Variants in GRM3 observed in about 807,000 individuals in gnomAD.
GRM3 encodes metabotropic glutamate receptor 3.
Under a neutral mutation model 70.5 loss-of-function variants are expected in GRM3, and 26 were observed. That is an observed-to-expected ratio of 0.37 (90% confidence interval 0.27 to 0.51). GRM3 has a LOEUF of 0.51. Among genes scored for constraint, GRM3 ranks in the 20% least tolerant of loss-of-function variants. GRM3 has a pLI of 0.93. For missense variants in GRM3, 859 were observed against 1,123.8 expected, an observed-to-expected ratio of 0.76 and a Z score of 3.37; for synonymous variants, 443 against 434.9, an observed-to-expected ratio of 1.02 and a Z score of -0.23.
chr7:86,672,131 C>G (rs1794187331), intron 1 of GRM3, among the ~76,000 whole-genome samples: 1 of 152,122 alleles, frequency 6.6e-6, no homozygotes, highest in Admixed American at 6.5e-5. Flanking sequence ...AAAGTCTACT[C>G]CATTCTAAAG....
chr7:86,656,023 C>T (rs542723023), intron 1 of GRM3, among the ~76,000 whole-genome samples: 2 of 152,222 alleles, frequency 1.3e-5, no homozygotes, highest in African/African-American at 4.8e-5. Context: ...ATTTCCCTTC[C>T]AGGCCTTTCA....
intron 2 of GRM3, among the ~76,000 whole-genome samples, chr7:86,782,918 C>G (rs555905809): frequency 6.6e-6 from 1 of 152,282 alleles, no homozygotes; most frequent in South Asian, 2.1e-4. Flanking sequence ...TTCCTCCACT[C>G]TATCTAATAA....
chr7:86,829,315 T>C (rs1798303967), intron 3 of GRM3, among the ~76,000 whole-genome samples: 1 of 152,206 alleles, frequency 6.6e-6, no homozygotes, highest in African/African-American at 2.4e-5. Flanking sequence ...CAAGTAAAAC[T>C]TTCTCCATAT....
chr7:86,653,558 T>C (rs1355639866), intron 1 of GRM3, among the ~76,000 whole-genome samples: 1 of 152,206 alleles, frequency 6.6e-6, no homozygotes, highest in Admixed American at 6.5e-5. Flanking sequence ...ATCTTCGTTG[T>C]AAAGGAAGTT....
At chr7:86,704,807 T>G (rs1795020969) in intron 1 of GRM3, among the ~76,000 whole-genome samples, 1 of 151,940 alleles carries the variant, frequency 6.6e-6, no homozygotes, top group South Asian at 2.1e-4. Flanking sequence ...AGATTACCTT[T>G]CCTCGTTCTG....
chr7:86,826,906 C>T (rs1798246842), intron 3 of GRM3, among the ~76,000 whole-genome samples: 1 of 152,126 alleles, frequency 6.6e-6, no homozygotes, highest in Non-Finnish European at 1.5e-5. Flanking sequence ...CCTTAAGATT[C>T]ACATTTAATT....
intron 1 of GRM3, among the ~76,000 whole-genome samples, chr7:86,758,229 C>T (rs1796394433): frequency 6.6e-6 from 1 of 152,112 alleles, no homozygotes; most frequent in Non-Finnish European, 1.5e-5. Context: ...ATAATAGCCA[C>T]TTGATGGGTC....
At chr7:86,722,468 T>G (rs1030338035) in intron 1 of GRM3, among the ~76,000 whole-genome samples, 7 of 152,046 alleles carry the variant, frequency 4.6e-5, no homozygotes, top group African/African-American at 1.7e-4. Flanking sequence ...TGGATGAAGC[T>G]GGAAACCATC....
At chr7:86,854,161 G>T (rs1240231609) in intron 5 of GRM3, among the ~76,000 whole-genome samples, 1 of 152,064 alleles carries the variant, frequency 6.6e-6, no homozygotes, top group Non-Finnish European at 1.5e-5. Flanking sequence ...ATCTTATCAA[G>T]AATTACAGTG....
At chr7:86,708,866 A>G (rs1332532641) in intron 1 of GRM3, among the ~76,000 whole-genome samples, 3 of 152,072 alleles carry the variant, frequency 2.0e-5, no homozygotes, top group Admixed American at 2.0e-4. Context: ...TTTAAGATTC[A>G]TGTCTCCATA....
chr7:86,677,898 G>A (rs2115944669), intron 1 of GRM3, among the ~76,000 whole-genome samples: 1 of 152,026 alleles, frequency 6.6e-6, no homozygotes. Context: ...GAGATTTGAA[G>A]CATAAGACTA....
chr7:86,657,305 C>T (rs1449659409), intron 1 of GRM3, among the ~76,000 whole-genome samples: 1 of 152,136 alleles, frequency 6.6e-6, no homozygotes, highest in Non-Finnish European at 1.5e-5. Context: ...TGCATGTGTA[C>T]CTACAGTAAC....
intron 3 of GRM3, among the ~76,000 whole-genome samples, chr7:86,830,373 TTG>T (rs1440477404): frequency 1.3e-5 from 2 of 152,230 alleles, no homozygotes; most frequent in Non-Finnish European, 2.9e-5. Flanking sequence ...TCATTCCTGT[TTG>T]TCTTATTTCT....
At chr7:86,816,768 C>A (rs554204873) in intron 3 of GRM3, among the ~76,000 whole-genome samples, 1 of 151,922 alleles carries the variant, frequency 6.6e-6, no homozygotes, top group Admixed American at 6.6e-5. Flanking sequence ...CTTGCATGTG[C>A]CTTTATGCTA....
chr7:86,698,264 C>T (rs1208153822), intron 1 of GRM3, among the ~76,000 whole-genome samples: 2 of 151,986 alleles, frequency 1.3e-5, no homozygotes, highest in Non-Finnish European at 2.9e-5. Context: ...GTGCCTGCAA[C>T]ACAATTTGCT....
At chr7:86,834,392 C>A (rs550073723) in intron 3 of GRM3, among the ~76,000 whole-genome samples, 1 of 152,176 alleles carries the variant, frequency 6.6e-6, no homozygotes, top group South Asian at 2.1e-4. Context: ...AGATTTTTCT[C>A]AAATTTATCT....
At chr7:86,836,850 A>G (rs1179197239) in intron 3 of GRM3, among the ~76,000 whole-genome samples, 1 of 152,240 alleles carries the variant, frequency 6.6e-6, no homozygotes, top group African/African-American at 2.4e-5. Context: ...ACAGAGTCAG[A>G]AAGGTCCTTG....
intron 1 of GRM3, among the ~76,000 whole-genome samples, chr7:86,718,574 T>C (rs1039583367): frequency 6.6e-6 from 1 of 151,952 alleles, no homozygotes; most frequent in African/African-American, 2.4e-5. Flanking sequence ...TTATTTCCAA[T>C]GACACTGATG....
rs1277193085 is a variant in GRM3, at chr7:86,644,227, G to C, written c.-786G>C. 1 of 175,940 alleles carries C rather than the reference G, an allele frequency of 5.7e-6. No homozygotes were observed. Among genetic ancestry groups the C allele is most frequent in the Non-Finnish European group, 1.2e-5 (1 of 82,418 alleles). 10.9% of individuals were successfully genotyped at this position (175,940 alleles called of 1,614,324 possible). On this transcript the variant is annotated 5_prime_UTR_variant, in exon 1 of 6. Coordinates refer to ENST00000361669, the MANE Select transcript of GRM3 (RefSeq NM_000840.3). ...CAAAGCAGTCGGCAAATCTACCCTGGCTTTTCGTATAAAAATCCTCTCGTC... is the reference window on the plus strand; with the variant it reads ...CAAAGCAGTCGGCAAATCTACCCTGCCTTTTCGTATAAAAATCCTCTCGTC...
Sources: gnomAD v4.1 joint callset for allele counts (sites outside exome capture counted in the v4.1 genomes callset) on GRCh38, gnomAD v4.1.1 for gene constraint, MANE v1.5 for transcripts, NCBI Gene and HGNC (gene_info 2026-07-23, HGNC 2026-07-21) for gene names.